The following TEX10 variants were observed in gnomAD, a reference collection of about 807,000 sequenced individuals.
TEX10 encodes the protein testis expressed 10, also known as testis-expressed protein 10.
Under a neutral mutation model 104.4 loss-of-function variants are expected in TEX10, and 24 were observed. The ratio of observed to expected loss-of-function variants is 0.23; its 90% CI spans 0.17 to 0.32. The LOEUF is 0.32. Among genes scored for constraint, TEX10 ranks in the 10% least tolerant of loss-of-function variants. TEX10 has a pLI of 1.00. For synonymous variants in TEX10, 396 were observed against 393.4 expected (o/e 1.01, Z -0.08); for missense variants, 921 against 1,083.9 (o/e 0.85, Z 2.11).
chr9:100,315,186 G>T (rs1397632588), intron 11 of TEX10, among the ~76,000 whole-genome samples: 1 of 152,080 alleles, frequency 6.6e-6, no homozygotes. Context: ...TGGTCTATCT[G>T]GGAGATAGGT....
At chr9:100,332,469 A>C (rs537192309) in intron 5 of TEX10, among the ~76,000 whole-genome samples, 1 of 152,360 alleles carries the variant, frequency 6.6e-6, no homozygotes, top group Non-Finnish European at 1.5e-5. Flanking sequence ...TTCTAGGAGG[A>C]AGGCAGATCT....
intron 5 of TEX10, among the ~76,000 whole-genome samples, chr9:100,336,572 G>A (rs1253437417): frequency 1.3e-5 from 2 of 152,176 alleles, no homozygotes; most frequent in Non-Finnish European, 2.9e-5. Flanking sequence ...AGGAAAACAA[G>A]CTCAGGGCTC....
At chr9:100,344,246 C>T (rs1280650472) in intron 4 of TEX10, among the ~76,000 whole-genome samples, 1 of 152,108 alleles carries the variant, frequency 6.6e-6, no homozygotes. Flanking sequence ...GTCTTTTAAA[C>T]TTACCATTAT....
intron 5 of TEX10, among the ~76,000 whole-genome samples, chr9:100,332,790 C>T (rs988049549): frequency 8.6e-5 from 13 of 151,254 alleles, no homozygotes; most frequent in East Asian, 2.0e-4. Context: ...CACTGCACTC[C>T]GGCCTGGGTG....
At chr9:100,323,817 C>G (rs1834636036) in intron 9 of TEX10, among the ~76,000 whole-genome samples, 1 of 151,948 alleles carries the variant, frequency 6.6e-6, no homozygotes, top group African/African-American at 2.4e-5. Flanking sequence ...ATTAGTGTGA[C>G]AAGATAAAAA....
intron 5 of TEX10, among the ~76,000 whole-genome samples, chr9:100,335,866 T>C (rs1285497406): frequency 6.6e-6 from 1 of 152,150 alleles, no homozygotes; most frequent in South Asian, 2.1e-4. Context: ...AAATAAATTA[T>C]ATCATTTTTA....
At chr9:100,302,928 GCC>G (rs34327969) in intron 14 of TEX10, among the ~76,000 whole-genome samples, 1 of 134,172 alleles carries the variant, frequency 7.5e-6, no homozygotes. Flanking sequence ...TTTTTTAACC[GCC>G]CCCCCCCCAA....
Position 100,315,811 on chromosome 9 carries a change from T to C in TEX10, c.2202+4454A>G, listed in dbSNP as rs186453579. Among the ~76,000 whole-genome samples the C allele has an allele frequency of 2.6e-5, 4 of 152,350 alleles. No individual in the cohort carries two copies. The East Asian group carries it at 7.7e-4, about 29-fold the overall frequency. On this transcript the variant is annotated intron_variant, in intron 11 of 14. Transcript: ENST00000374902. ...TTCTTTATAAATGACTAGACACTAT[T>C]CTCTTGCTGATTTTAGAATTCTCTC...
intron 12 of TEX10, among the ~76,000 whole-genome samples, chr9:100,309,298 T>C (rs1233255884): frequency 1.3e-5 from 2 of 152,200 alleles, no homozygotes; most frequent in African/African-American, 2.4e-5. Context: ...CTGTATGCAT[T>C]GTCATTAAGG....
intron 11 of TEX10, among the ~76,000 whole-genome samples, chr9:100,310,787 T>C (rs1323400157): frequency 6.6e-6 from 1 of 152,178 alleles, no homozygotes; most frequent in African/African-American, 2.4e-5. Context: ...AGGAAACACA[T>C]AACAAATTAT....
chr9:100,350,768 G>A (rs1250651939), intron 1 of TEX10, among the ~76,000 whole-genome samples: 2 of 152,162 alleles, frequency 1.3e-5, no homozygotes, highest in Non-Finnish European at 2.9e-5. Context: ...TCAAGTTCAA[G>A]GAATTCAGAA....
chr9:100,303,563 C>A, intron 14 of TEX10, 69 bp downstream of exon 14: 1 of 1,534,150 alleles, frequency 6.5e-7, no homozygotes, highest in South Asian at 1.1e-5. Flanking sequence ...AACACACTTT[C>A]CCCCATGCCC....
At chr9:100,318,897 A>G (rs1458778783) in intron 11 of TEX10, among the ~76,000 whole-genome samples, 2 of 152,156 alleles carry the variant, frequency 1.3e-5, no homozygotes, top group African/African-American at 4.8e-5. Context: ...GATCTCTTAA[A>G]AAGAAGACAC....
intron 10 of TEX10, among the ~76,000 whole-genome samples, 196 bp from the exon 11 acceptor site, chr9:100,320,594 A>T (rs1834542849): frequency 6.6e-6 from 1 of 152,250 alleles, no homozygotes; most frequent in South Asian, 2.1e-4. Context: ...TCATATAATT[A>T]TATAAAAGAT....
intron 3 of TEX10, 84 bp downstream of exon 3, chr9:100,346,610 G>A: frequency 7.2e-7 from 1 of 1,386,394 alleles, no homozygotes; most frequent in African/African-American, 1.4e-5. Context: ...ACAACTGCAT[G>A]TCTTCCCACC....
chr9:100,352,034 A>G (rs1412759095), intron 1 of TEX10, among the ~76,000 whole-genome samples: 1 of 152,198 alleles, frequency 6.6e-6, no homozygotes, highest in East Asian at 1.9e-4. Context: ...TAATTCCAAC[A>G]AAAGGCAGAT....
rs1402549734 is a variant in TEX10, at chr9:100,337,856, A to C, written c.1250+2401T>G. ...ATACCCAGTTCAAATACTACTCTTC[A>C]ATTTAGCTTTGTCTGTTTATCCTAA... On this transcript the variant is annotated intron_variant, in intron 5 of 14. Coordinates refer to ENST00000374902, the MANE Select transcript of TEX10 (RefSeq NM_017746.4). Among the ~76,000 whole-genome samples, 3 of 151,214 alleles carry C rather than the reference A, an allele frequency of 2.0e-5. No individual in the cohort carries two copies. The East Asian group carries it at 6.0e-4, about 30-fold the overall frequency.
chr9:100,315,406 A>C (rs1302721700), intron 11 of TEX10, among the ~76,000 whole-genome samples: 5 of 152,102 alleles, frequency 3.3e-5, no homozygotes, highest in Non-Finnish European at 5.9e-5. Context: ...TAGGTCTAGT[A>C]ATACTTTGGA....
chr9:100,321,768 T>G lies in TEX10; in HGVS notation c.1983A>C (p.Ser661=). 6.2e-7 allele frequency: 1 copy of G among 1,611,358 alleles called. No homozygotes were observed. The highest frequency in any genetic ancestry group is 8.5e-7 in the Non-Finnish European group (1 of 1,179,146). Reference sequence around the variant, plus strand: ...CTGAATACTTCCACCCAGAAAATGATGATCTATAAAAAACAAAGGGAGAAC... The same window carrying G: ...CTGAATACTTCCACCCAGAAAATGAGGATCTATAAAAAACAAAGGGAGAAC... ...AMLIGILHMR[S]SFSGWKYSAK... The change falls in exon 10 of 15, where the codon TCA becomes TCC. Residue 661 remains serine (S), a synonymous_variant. Coordinates refer to ENST00000374902, the MANE Select transcript of TEX10 (RefSeq NM_017746.4).
Sources: allele counts gnomAD v4.1 joint callset (sites outside exome capture counted in the v4.1 genomes callset), GRCh38; gene constraint gnomAD v4.1.1; transcripts MANE v1.5; gene names NCBI Gene and HGNC (gene_info 2026-07-23, HGNC 2026-07-21).